Variants in CFAP299 observed in about 807,000 individuals in gnomAD.
CFAP299 encodes the protein cilia and flagella associated protein 299.
In CFAP299, 21 loss-of-function variants were observed where a neutral mutation model predicts 27.0. The ratio of observed to expected loss-of-function variants is 0.78; its 90% CI spans 0.55 to 1.12. The LOEUF (loss-of-function observed/expected upper bound fraction) is 1.12, where lower values mean the gene tolerates loss of function less well. CFAP299 is among the 50% of genes most tolerant of loss of function. The pLI is 0.00. For synonymous variants in CFAP299, 104 were observed against 98.1 expected (o/e 1.06, Z -0.36); for missense variants, 310 against 276.6 (o/e 1.12, Z -0.86).
At chr4:80,815,208 A>G (rs1488013017) in intron 3 of CFAP299, among the ~76,000 whole-genome samples, 1 of 151,998 alleles carries the variant, frequency 6.6e-6, no homozygotes, top group Non-Finnish European at 1.5e-5. Context: ...TGTTTGTCCA[A>G]TAGGAGTTCT....
At chr4:80,528,646 A>C (rs555328847) in intron 2 of CFAP299, among the ~76,000 whole-genome samples, 1 of 152,180 alleles carries the variant, frequency 6.6e-6, no homozygotes, top group Admixed American at 6.6e-5. Flanking sequence ...ATGTGAATTC[A>C]TACCATCTCT....
intron 2 of CFAP299, among the ~76,000 whole-genome samples, chr4:80,564,831 A>G (rs761221579): frequency 3.9e-5 from 6 of 152,096 alleles, no homozygotes; most frequent in Admixed American, 6.6e-5. Flanking sequence ...CAAAATCAAC[A>G]TACAAAAGTC....
At chr4:80,395,217 T>G (rs1046857056) in intron 2 of CFAP299, among the ~76,000 whole-genome samples, 1 of 152,212 alleles carries the variant, frequency 6.6e-6, no homozygotes, top group Middle Eastern at 3.4e-3. Flanking sequence ...TTGGATAGTT[T>G]GTTGTTAGTG....
intron 3 of CFAP299, among the ~76,000 whole-genome samples, chr4:80,608,860 C>CGT (rs1560653634): frequency 2.6e-4 from 13 of 49,370 alleles, no homozygotes; most frequent in Admixed American, 5.8e-4. Flanking sequence ...TTACACGATG[C>CGT]ATGTGTGTGT....
intron 3 of CFAP299, among the ~76,000 whole-genome samples, chr4:80,757,783 A>T (rs773666071): frequency 2.6e-5 from 4 of 152,076 alleles, no homozygotes; most frequent in Non-Finnish European, 4.4e-5. Flanking sequence ...GTACTTCTGA[A>T]GCAGGATATT....
chr4:80,916,319 C>T (rs1449668076), intron 4 of CFAP299, among the ~76,000 whole-genome samples: 1 of 133,370 alleles, frequency 7.5e-6, no homozygotes, highest in Non-Finnish European at 1.6e-5. Context: ...TCATCTGTTC[C>T]TCCATCTTTG....
chr4:80,698,181 A>C (rs1721232815), intron 3 of CFAP299, among the ~76,000 whole-genome samples: 1 of 152,222 alleles, frequency 6.6e-6, no homozygotes, highest in South Asian at 2.1e-4. Flanking sequence ...CTGAGGGGCC[A>C]CTTTTTATAA....
intron 2 of CFAP299, among the ~76,000 whole-genome samples, chr4:80,505,344 T>A (rs567099349): frequency 6.6e-6 from 1 of 152,242 alleles, no homozygotes; most frequent in African/African-American, 2.4e-5. Context: ...CATTTTAAAG[T>A]ACTGTTCTTT....
At position 80,362,848 on chromosome 4, in the gene CFAP299, T is replaced by C. The variant is rs138882745; in HGVS notation, c.206T>C (p.Ile69Thr). The change falls in exon 2 of 6, where the codon ATA (isoleucine) becomes ACA (threonine). Residue 69 changes from isoleucine to threonine, a missense_variant. Transcript: ENST00000358105. ...REDFEARKAAIEIARLAERAQ... is the reference protein window; with the variant it reads ...REDFEARKAATEIARLAERAQ... Reference sequence around the variant, plus strand: ...GATTTTGAAGCAAGGAAAGCGGCTATAGAGATTGCAAGACTGGCTGAAAGA... The same window carrying C: ...GATTTTGAAGCAAGGAAAGCGGCTACAGAGATTGCAAGACTGGCTGAAAGA... The C allele has an allele frequency of 6.0e-5, 96 of 1,612,624 alleles. 1 individual carries two copies. In the African/African-American group the frequency reaches 8.4e-4, roughly 14 times the overall value.
intron 4 of CFAP299, among the ~76,000 whole-genome samples, chr4:80,911,763 G>A (rs1017893868): frequency 6.6e-6 from 1 of 152,076 alleles, no homozygotes; most frequent in Non-Finnish European, 1.5e-5. Flanking sequence ...AATGCCATAA[G>A]AAGCACTTCT....
chr4:80,386,723 A>C (rs1456934380), intron 2 of CFAP299: 5 of 1,562,716 alleles, frequency 3.2e-6, no homozygotes, highest in East Asian at 2.3e-5. Flanking sequence ...GTGGAGCTTC[A>C]TGCCGGAGTG....
At chr4:80,404,235 TACAC>T (rs781293921) in intron 2 of CFAP299, among the ~76,000 whole-genome samples, 8 of 151,302 alleles carry the variant, frequency 5.3e-5, no homozygotes, top group Non-Finnish European at 8.8e-5. Context: ...TATATATATA[TACAC>T]ACACACACAC....
chr4:80,763,005 TG>T (rs1354967933), intron 3 of CFAP299, among the ~76,000 whole-genome samples: 3 of 152,178 alleles, frequency 2.0e-5, no homozygotes, highest in Admixed American at 2.0e-4. Flanking sequence ...CCCTAACAAA[TG>T]GCTTGAACAC....
chr4:80,424,050 T>G (rs974647939), intron 2 of CFAP299, among the ~76,000 whole-genome samples: 1 of 152,206 alleles, frequency 6.6e-6, no homozygotes, highest in Admixed American at 6.5e-5. Flanking sequence ...CAATGGGCCC[T>G]CCTGATGGAT....
rs369665731 is a variant in CFAP299 at position 80,693,384 on chromosome 4, T to C, written c.333+110201T>C. Among the ~76,000 whole-genome samples, 1,167 of 151,616 alleles carry C rather than the reference T, an allele frequency of 7.7e-3. 18 individuals are homozygous for C. Among genetic ancestry groups the C allele is most frequent in the African/African-American group, 0.027 (1,101 of 41,270 alleles). Reference sequence around the variant, plus strand: ...ATGCAGCCATAAAAAATGATGAGTTTATGTCCTTTGTAGGGACATGGATGA... The same window carrying C: ...ATGCAGCCATAAAAAATGATGAGTTCATGTCCTTTGTAGGGACATGGATGA... On this transcript the variant is annotated intron_variant, in intron 3 of 5. Transcript: ENST00000358105.
chr4:80,472,900 TC>T, intron 2 of CFAP299, among the ~76,000 whole-genome samples: 1 of 152,092 alleles, frequency 6.6e-6, no homozygotes, highest in Non-Finnish European at 1.5e-5. Flanking sequence ...GAACACACAT[TC>T]TTCTTCTTAA....
intron 2 of CFAP299, among the ~76,000 whole-genome samples, chr4:80,534,008 G>A (rs1024220105): frequency 1.3e-5 from 2 of 151,918 alleles, no homozygotes; most frequent in Non-Finnish European, 2.9e-5. Context: ...AGTTATCAGG[G>A]AACTACTCTG....
chr4:80,926,716 A>T (rs1254734079), intron 4 of CFAP299, among the ~76,000 whole-genome samples: 1 of 152,100 alleles, frequency 6.6e-6, no homozygotes, highest in Non-Finnish European at 1.5e-5. Context: ...ACTATAAAAA[A>T]TGTCAATAGA....
chr4:80,852,515 T>C (rs535191638), intron 3 of CFAP299, among the ~76,000 whole-genome samples: 1 of 152,256 alleles, frequency 6.6e-6, no homozygotes, highest in African/African-American at 2.4e-5. Context: ...GAACATAGAA[T>C]TGTTTTTATG....
Sources: allele counts gnomAD v4.1 joint callset (sites outside exome capture counted in the v4.1 genomes callset), GRCh38; gene constraint gnomAD v4.1.1; transcripts MANE v1.5; gene names NCBI Gene and HGNC (gene_info 2026-07-23, HGNC 2026-07-21).